The following COL9A1 variants were observed in gnomAD, a reference collection of about 807,000 sequenced individuals.
COL9A1 encodes the protein collagen alpha-1(IX) chain.
In COL9A1, 104 loss-of-function variants were observed where a neutral mutation model predicts 142.6. The ratio of observed to expected loss-of-function variants is 0.73; its 90% confidence interval spans 0.62 to 0.86. COL9A1 has a LOEUF of 0.86. Ranked by LOEUF, COL9A1 falls within the 40% of genes least tolerant of loss-of-function variation. The pLI, the probability that COL9A1 is intolerant of heterozygous loss-of-function variation, is 0.00. For missense variants in COL9A1, 1,210 were observed against 1,176.6 expected, an observed-to-expected ratio of 1.03 and a Z score of -0.42; for synonymous variants, 466 against 396.0, an observed-to-expected ratio of 1.18 and a Z score of -2.10.
chr6:70,281,135 G>A, intron 8 of COL9A1, 96 bp from the exon 9 acceptor site: 1 of 1,101,064 alleles, frequency 9.1e-7, no homozygotes, highest in Non-Finnish European at 1.3e-6. Context: ...TCACAGATGG[G>A]GATGGTGTAA....
rs368100856 is a variant in COL9A1, at chr6:70,283,040, C to T, written c.781-122G>A. 2.0e-5 allele frequency: 32 copies of T among 1,601,748 alleles called. No individual in the cohort carries two copies. The African/African-American group carries it at 3.6e-4, about 18-fold the overall frequency. ...AGCCCCAGGGCCCCGCGGTCCCGCG[C>T]AGTCCAGGCCATGCCCGCCGCCCGC... On this transcript the variant is annotated intron_variant, in intron 6 of 37. Coordinates refer to ENST00000357250, the MANE Select transcript of COL9A1 (RefSeq NM_001851.6).
chr6:70,290,221 A>G lies in COL9A1; in HGVS notation c.696+3946T>C, dbSNP rs1376384904. On this transcript the variant is annotated intron_variant, in intron 5 of 37. Transcript: ENST00000357250. The stretch of plus-strand genomic sequence containing the variant: ...AAAGGCCAACTTTGTTTTCTAATAG[A>G]GCTGTACAAAATAATTCTCCTAGGC... 2.6e-5 allele frequency among the ~76,000 whole-genome samples: 4 copies of G among 152,156 alleles called. No homozygotes were observed. In the East Asian group the frequency reaches 7.7e-4, roughly 29 times the overall value.
chr6:70,275,080 G>GC (rs1213221203), intron 10 of COL9A1: 2 of 389,200 alleles, frequency 5.1e-6, no homozygotes, highest in East Asian at 1.1e-4. Context: ...ATGCAACATA[G>GC]CAATTACAAT....
intron 37 of COL9A1, among the ~76,000 whole-genome samples, chr6:70,225,083 C>T (rs1194633549): frequency 6.6e-6 from 1 of 152,200 alleles, no homozygotes; most frequent in Non-Finnish European, 1.5e-5. Flanking sequence ...ATTGTGGAAG[C>T]AAGTATCATC....
chr6:70,246,754 T>G (rs1166875871), intron 28 of COL9A1, among the ~76,000 whole-genome samples: 1 of 152,140 alleles, frequency 6.6e-6, no homozygotes, highest in Non-Finnish European at 1.5e-5. Flanking sequence ...CAACTGAAAA[T>G]CATCCTGTGG....
chr6:70,277,417 A>G (rs932017854), intron 10 of COL9A1, among the ~76,000 whole-genome samples: 2 of 152,170 alleles, frequency 1.3e-5, no homozygotes, highest in African/African-American at 4.8e-5. Context: ...CACATAATAC[A>G]TACATAATTT....
intron 12 of COL9A1, among the ~76,000 whole-genome samples, 173 bp from the exon 13 acceptor site, chr6:70,272,261 CAGA>C (rs1347031835): frequency 6.6e-6 from 1 of 152,016 alleles, no homozygotes; most frequent in Non-Finnish European, 1.5e-5. Context: ...CTACAGGAAG[CAGA>C]AGCTTATTTC....
chr6:70,273,979 A>C, intron 12 of COL9A1, 68 bp downstream of exon 12: 1 of 885,018 alleles, frequency 1.1e-6, no homozygotes, highest in African/African-American at 1.8e-5. Context: ...AAATAAAAAG[A>C]TTTCACAATG....
rs779384045 is a variant in COL9A1, at chr6:70,294,259, C to A, written c.604G>T (p.Glu202Ter). The change falls in exon 5 of 38, where the codon GAA becomes TAA. Residue 202 changes from glutamate (E) to a stop codon, truncating the protein, a stop_gained. Coordinates refer to ENST00000357250, the MANE Select transcript of COL9A1 (RefSeq NM_001851.6). LOFTEE classifies it high-confidence loss of function. ...ATLFVDCNRI[E>*]SLPIKPRGPI... ...CCTCTTGGCTTTATAGGTAAAGATT[C>A]AATCCTGTTGCAGTCAACAAAAAGA... 3 of 1,614,060 alleles carry A rather than the reference C, an allele frequency of 1.9e-6. No homozygotes were observed. The highest frequency in any genetic ancestry group is 2.5e-6 in the Non-Finnish European group (3 of 1,179,958).
chr6:70,252,441 C>G (rs1771004053), intron 26 of COL9A1, 126 bp from the exon 27 acceptor site: 2 of 833,188 alleles, frequency 2.4e-6, no homozygotes, highest in Non-Finnish European at 4.1e-6. Context: ...CACTGAGAAT[C>G]TGGGAATGTG....
intron 35 of COL9A1, among the ~76,000 whole-genome samples, chr6:70,234,049 TATTG>T (rs1468283796): frequency 6.6e-6 from 1 of 152,242 alleles, no homozygotes; most frequent in Non-Finnish European, 1.5e-5. Context: ...AAATGCTGGT[TATTG>T]ATTGTTTTTA....
At chr6:70,279,362 T>A (rs1772965854) in intron 10 of COL9A1, among the ~76,000 whole-genome samples, 1 of 152,194 alleles carries the variant, frequency 6.6e-6, no homozygotes, top group Non-Finnish European at 1.5e-5. Context: ...TAAATATTAG[T>A]CCTTAGGTGC....
chr6:70,281,641 C>A (rs898779600), intron 7 of COL9A1, among the ~76,000 whole-genome samples, 177 bp from the exon 8 acceptor site: 1 of 152,140 alleles, frequency 6.6e-6, no homozygotes, highest in Non-Finnish European at 1.5e-5. Context: ...CTTTGGTCTC[C>A]GCCATATTCT....
Position 70,271,637 on chromosome 6 carries a change from G to A in COL9A1, c.1143+18C>T. The A allele has an allele frequency of 6.2e-7, 1 of 1,611,082 alleles. No homozygotes were observed. The highest frequency in any genetic ancestry group is 8.5e-7 in the Non-Finnish European group (1 of 1,177,292). On this transcript the variant is annotated intron_variant, in intron 14 of 37. Coordinates refer to ENST00000357250, the MANE Select transcript of COL9A1 (RefSeq NM_001851.6). The stretch of plus-strand genomic sequence containing the variant: ...ATTAAATCAGCAAACGTCTATCAAA[G>A]TGCACTGTGGTACTCACAACAGGTC...
At chr6:70,240,640 GTTCAAA>G (rs764416461) in intron 32 of COL9A1, 43 bp downstream of exon 32, 2 of 1,395,042 alleles carry the variant, frequency 1.4e-6, no homozygotes, top group South Asian at 2.3e-5. Context: ...ACTTCTAACA[GTTCAAA>G]ATTGGTAAAG....
intron 19 of COL9A1, 22 bp from the exon 20 acceptor site, chr6:70,260,732 G>T: frequency 6.2e-7 from 1 of 1,612,656 alleles, no homozygotes; most frequent in South Asian, 1.1e-5. Flanking sequence ...AAAAAGAGAA[G>T]TGAATTATTT....
chr6:70,287,856 C>T (rs1261061740), intron 5 of COL9A1, among the ~76,000 whole-genome samples: 1 of 152,126 alleles, frequency 6.6e-6, no homozygotes, highest in Non-Finnish European at 1.5e-5. Flanking sequence ...ATTACAGATC[C>T]CTCCTTCTTA....
intron 16 of COL9A1, 65 bp downstream of exon 16, chr6:70,269,568 A>C: frequency 9.2e-7 from 1 of 1,088,008 alleles, no homozygotes; most frequent in East Asian, 2.3e-5. Flanking sequence ...TTTAAAGAAA[A>C]CTCATCTGCA....
In COL9A1 at chr6:70,300,073, C is replaced by T. The variant is rs2127608290; in HGVS notation, c.269G>A (p.Gly90Glu). The change falls in exon 4 of 38, where the codon GGA becomes GAA. Residue 90 changes from glycine (G) to glutamate (E), a missense_variant. By Grantham distance (98) the Gly-to-Glu change is moderately conservative. Transcript: ENST00000357250. ...SATLQVAYKL[G>E]NNVDFRIPTR... ...TGGAATCCTGAAGTCTACATTATTT[C>T]CCAACTTGTAAGCCACCTGCAATGT... 2 of 1,613,858 alleles carry T rather than the reference C, an allele frequency of 1.2e-6. No homozygotes were observed. The highest frequency in any genetic ancestry group is 1.7e-6 in the Non-Finnish European group (2 of 1,179,892).
Sources: gnomAD v4.1 joint callset for allele counts (sites outside exome capture counted in the v4.1 genomes callset) on GRCh38, gnomAD v4.1.1 for gene constraint, MANE v1.5 for transcripts, NCBI Gene and HGNC (gene_info 2026-07-23, HGNC 2026-07-21) for gene names.